Variants in PAX5 observed in about 807,000 individuals in gnomAD.
The protein encoded by PAX5 is paired box 5.
PAX5 carries 9 observed loss-of-function variants against 43.7 expected under a neutral mutation model. That is an observed-to-expected ratio of 0.21 (90% confidence interval 0.12 to 0.36). The LOEUF is 0.36. Ranked by LOEUF, PAX5 falls within the 10% of genes least tolerant of loss-of-function variation. The pLI is 1.00. For synonymous variants in PAX5, 228 were observed against 214.3 expected (o/e 1.06, Z -0.56); for missense variants, 383 against 532.7 (o/e 0.72, Z 2.77).
chr9:36,902,377 C>A (rs1828479432), intron 7 of PAX5, among the ~76,000 whole-genome samples: 1 of 152,202 alleles, frequency 6.6e-6, no homozygotes, highest in Non-Finnish European at 1.5e-5. Context: ...ATCCTTAATA[C>A]ACTGGAGAGA....
Position 37,008,854 on chromosome 9 carries a change from T to A in PAX5, c.411-2317A>T, listed in dbSNP as rs556138144. 2.6e-5 allele frequency among the ~76,000 whole-genome samples: 4 copies of A among 152,312 alleles called. No homozygotes were observed. In the South Asian group the frequency reaches 8.3e-4, roughly 32 times the overall value. On this transcript the variant is annotated intron_variant, in intron 3 of 9. Transcript: ENST00000358127. ...TGGCATTTGGGAGAAGAGTGGGTCA[T>A]AATAAAATGTCCAGTTCTGGGAGTG...
chr9:36,906,905 C>T lies in PAX5; in HGVS notation c.910+16450G>A, dbSNP rs565152042. On this transcript the variant is annotated intron_variant, in intron 7 of 9. Transcript: ENST00000358127. ...ACTGAGGTGTGCACACATACATACACACATGTTGAGAAACCGAGGTCACCA... is the reference window on the plus strand; with the variant it reads ...ACTGAGGTGTGCACACATACATACATACATGTTGAGAAACCGAGGTCACCA... Among the ~76,000 whole-genome samples, 38 of 152,116 alleles carry T rather than the reference C, an allele frequency of 2.5e-4. 3 individuals are homozygous for T. The South Asian group carries it at 7.5e-3, about 30-fold the overall frequency.
intron 7 of PAX5, among the ~76,000 whole-genome samples, chr9:36,893,955 C>CA (rs1468143091): frequency 6.6e-6 from 1 of 152,134 alleles, no homozygotes; most frequent in Non-Finnish European, 1.5e-5. Flanking sequence ...TCATAATTAG[C>CA]ATGTGGAGAG....
At chr9:37,013,328 C>G (rs540282012) in intron 3 of PAX5, among the ~76,000 whole-genome samples, 141 of 152,206 alleles carry the variant, frequency 9.3e-4, no homozygotes, top group African/African-American at 3.2e-3. Context: ...GGCCTGCTTC[C>G]CTCATTACCT....
chr9:36,917,722 T>C (rs1488723625), intron 7 of PAX5, among the ~76,000 whole-genome samples: 1 of 152,244 alleles, frequency 6.6e-6, no homozygotes, highest in East Asian at 1.9e-4. Flanking sequence ...TTTCACTTTA[T>C]TGTACTTCAC....
At chr9:36,875,434 C>A (rs554863529) in intron 8 of PAX5, among the ~76,000 whole-genome samples, 2 of 152,178 alleles carry the variant, frequency 1.3e-5, no homozygotes, top group Admixed American at 6.5e-5. Context: ...GTAAACCACA[C>A]ACTAAATGAC....
intron 6 of PAX5, among the ~76,000 whole-genome samples, chr9:36,964,263 A>G (rs1834222456): frequency 1.3e-5 from 2 of 151,296 alleles, no homozygotes; most frequent in Admixed American, 6.6e-5. Context: ...CCTGGGCGAC[A>G]CAACAAGATT....
chr9:37,018,490 T>C (rs1005211106), intron 2 of PAX5, among the ~76,000 whole-genome samples: 3 of 136,680 alleles, frequency 2.2e-5, no homozygotes, highest in African/African-American at 8.0e-5. Flanking sequence ...TGCCACACAC[T>C]CTGGAAACCA....
intron 6 of PAX5, among the ~76,000 whole-genome samples, chr9:36,928,473 A>G (rs1830838927): frequency 6.6e-6 from 1 of 152,228 alleles, no homozygotes. Context: ...ATCACCATGT[A>G]GAGTGGCTGT....
chr9:36,998,249 G>A (rs928383911), intron 5 of PAX5, among the ~76,000 whole-genome samples: 11 of 152,170 alleles, frequency 7.2e-5, no homozygotes, highest in South Asian at 2.1e-4. Context: ...CCATATACCC[G>A]AGTCTGGTCT....
At chr9:36,868,123 C>T (rs1227411715) in intron 8 of PAX5, among the ~76,000 whole-genome samples, 1 of 152,174 alleles carries the variant, frequency 6.6e-6, no homozygotes, top group East Asian at 1.9e-4. Context: ...GTAACAAGGG[C>T]CATTGTCTCA....
intron 7 of PAX5, among the ~76,000 whole-genome samples, chr9:36,920,735 A>G (rs1830100515): frequency 6.6e-6 from 1 of 150,910 alleles, no homozygotes; most frequent in African/African-American, 2.4e-5. Flanking sequence ...TGTGAGCATC[A>G]TGTCATACTC....
At chr9:37,020,229 A>G (rs1004238637) in intron 2 of PAX5, among the ~76,000 whole-genome samples, 1 of 152,200 alleles carries the variant, frequency 6.6e-6, no homozygotes, top group Non-Finnish European at 1.5e-5. Flanking sequence ...AAAACTGAAA[A>G]TAACAGCTGA....
At chr9:36,951,745 T>C (rs1006049387) in intron 6 of PAX5, among the ~76,000 whole-genome samples, 11 of 152,236 alleles carry the variant, frequency 7.2e-5, no homozygotes, top group Admixed American at 2.0e-4. Context: ...TGTAATTTTA[T>C]ATTTTTAATT....
chr9:36,852,098 A>G (rs1823217049), intron 8 of PAX5, among the ~76,000 whole-genome samples: 1 of 152,212 alleles, frequency 6.6e-6, no homozygotes, highest in Admixed American at 6.5e-5. Flanking sequence ...TATGGAGAAG[A>G]TCAAATGACT....
At chr9:37,000,939 T>C (rs1174109125) in intron 5 of PAX5, among the ~76,000 whole-genome samples, 1 of 152,230 alleles carries the variant, frequency 6.6e-6, no homozygotes, top group East Asian at 1.9e-4. Flanking sequence ...AAAATATCCC[T>C]AGAGGCTTGA....
intron 8 of PAX5, among the ~76,000 whole-genome samples, chr9:36,851,726 C>T (rs1270204485): frequency 1.3e-5 from 2 of 152,164 alleles, no homozygotes; most frequent in East Asian, 3.8e-4. Flanking sequence ...ACTGCATGAG[C>T]AAAGGCAGGG....
At chr9:36,963,817 G>A (rs1834174638) in intron 6 of PAX5, among the ~76,000 whole-genome samples, 1 of 152,186 alleles carries the variant, frequency 6.6e-6, no homozygotes, top group African/African-American at 2.4e-5. Flanking sequence ...GTGCTGCAGA[G>A]GCCAGGTGGA....
At chr9:36,971,579 A>G (rs775290805) in intron 5 of PAX5, among the ~76,000 whole-genome samples, 5 of 152,240 alleles carry the variant, frequency 3.3e-5, no homozygotes, top group Non-Finnish European at 5.9e-5. Flanking sequence ...ATGGACAGAC[A>G]CGGGCAAAAG....
Sources: allele counts gnomAD v4.1 joint callset (sites outside exome capture counted in the v4.1 genomes callset), GRCh38; gene constraint gnomAD v4.1.1; transcripts MANE v1.5; gene names NCBI Gene and HGNC (gene_info 2026-07-23, HGNC 2026-07-21).